AGO4: variants seen among roughly 807,000 people sequenced by gnomAD.
AGO4 encodes protein argonaute-4.
A neutral mutation model predicts 104.7 loss-of-function variants in AGO4; 33 were observed. The ratio of observed to expected loss-of-function variants is 0.32; its 90% CI spans 0.24 to 0.42. AGO4 has a LOEUF of 0.42. AGO4 is among the 10% of genes least tolerant of loss of function. The pLI is 1.00. For missense variants in AGO4, 711 were observed against 1,083.4 expected, an observed-to-expected ratio of 0.66 and a Z score of 4.83; for synonymous variants, 331 against 364.7, an observed-to-expected ratio of 0.91 and a Z score of 1.05.
chr1:35,832,061 A>T lies in AGO4; in HGVS notation c.1121A>T (p.Lys374Met). Residue 374 changes from lysine to methionine, a missense_variant, in exon 10 of 18, where the codon AAG becomes ATG. By Grantham distance (95) the Lys-to-Met change is moderately conservative. Transcript: ENST00000373210. ...DRQEEISRLV[K>M]SNSMVGGPDP... is the part of the protein sequence containing the mutation. Reference sequence around the variant, plus strand: ...GCAGGCTTTCCTGTTCTTTAGGTGAAGAGCAACAGTATGGTGGGTGGACCT... The same window carrying T: ...GCAGGCTTTCCTGTTCTTTAGGTGATGAGCAACAGTATGGTGGGTGGACCT... The T allele has an allele frequency of 6.2e-7, 1 of 1,611,056 alleles. No homozygotes were observed. The highest frequency in any genetic ancestry group is 2.2e-5 in the East Asian group (1 of 44,876).
intron 1 of AGO4, 56 bp from the exon 2 acceptor site, chr1:35,816,820 AAGAAAG>A: frequency 6.9e-7 from 1 of 1,447,366 alleles, no homozygotes; most frequent in South Asian, 1.5e-5. Flanking sequence ...AAAAAAAAAA[AAGAAAG>A]AAAGAAAGAA....
chr1:35,832,138 C>A lies in AGO4; in HGVS notation c.1198C>A (p.Leu400Ile). The A allele has an allele frequency of 1.2e-6, 2 of 1,614,186 alleles. No homozygotes were observed. The highest frequency in any genetic ancestry group is 1.7e-6 in the Non-Finnish European group (2 of 1,180,034). ...GIVVHNEMTELTGRVLPAPML... is the reference protein window; with the variant it reads ...GIVVHNEMTEITGRVLPAPML... ...TGTTGTCCACAATGAAATGACAGAG[C>A]TCACAGGCAGGGTACTTCCAGCACC... is the stretch of plus-strand genomic sequence containing the variant. Residue 400 changes from leucine to isoleucine, a missense_variant, in exon 10 of 18, where the codon CTC becomes ATC. Physicochemically the swap from Leu to Ile is conservative, Grantham distance 5 (BLOSUM62 2). Transcript: ENST00000373210.
intron 6 of AGO4, 119 bp downstream of exon 6, chr1:35,826,179 A>G: frequency 7.7e-7 from 1 of 1,303,570 alleles, no homozygotes; most frequent in Non-Finnish European, 1.0e-6. Context: ...TATCAATGGG[A>G]CCTTGGTCAA....
intron 1 of AGO4, among the ~76,000 whole-genome samples, chr1:35,810,027 C>CT (rs369131487): frequency 0.043 from 6,343 of 147,336 alleles, 454 homozygotes; most frequent in African/African-American, 0.15. Flanking sequence ...CCCAGGGACT[C>CT]TTTTTTTTTT....
rs1306840670 is a variant in AGO4, at chr1:35,850,889, G to A, written c.2313G>A (p.Trp771Ter). Residue 771 changes from tryptophan (W) to a stop codon, truncating the protein, a stop_gained, in exon 17 of 18, where the codon TGG (tryptophan) becomes TGA (stop). Coordinates refer to ENST00000373210, the MANE Select transcript of AGO4 (RefSeq NM_017629.4). LOFTEE classifies it high-confidence loss of function. ...GTCCCTCACATTACCAGGTCTTGTG[G>A]GATGACAACTGCTTCACTGCAGATG... ...TSRPSHYQVL[W>*]DDNCFTADEL... The A allele has an allele frequency of 6.2e-7, 1 of 1,613,660 alleles. No homozygotes were observed. Among genetic ancestry groups the A allele is most frequent in the Non-Finnish European group, 8.5e-7 (1 of 1,179,970 alleles).
chr1:35,822,435 G>A (rs745763766), intron 2 of AGO4, among the ~76,000 whole-genome samples: 3 of 151,190 alleles, frequency 2.0e-5, no homozygotes, highest in African/African-American at 4.9e-5. Flanking sequence ...TGTATTTTTA[G>A]TAGAGACAGG....
rs540887481 is a variant in AGO4, at chr1:35,831,998, T to C, written c.1117-59T>C. On this transcript the variant is annotated intron_variant, in intron 9 of 17. Coordinates refer to ENST00000373210, the MANE Select transcript of AGO4 (RefSeq NM_017629.4). The stretch of plus-strand genomic sequence containing the variant: ...GACAAAAAACAAAAGAATAGAAAAC[T>C]CCTCCTGGGACACAGTTACTCTCTG... The C allele has an allele frequency of 7.0e-5, 112 of 1,604,788 alleles. 1 individual carries two copies. The South Asian group carries it at 1.2e-3, about 18-fold the overall frequency.
At chr1:35,838,554 T>C (rs1045412688) in intron 13 of AGO4, among the ~76,000 whole-genome samples, 32 of 152,198 alleles carry the variant, frequency 2.1e-4, no homozygotes, top group Non-Finnish European at 4.3e-4. Flanking sequence ...TATGTCCTTT[T>C]AAGAAACCCT....
chr1:35,834,244 G>T, intron 12 of AGO4, 70 bp downstream of exon 12: 1 of 1,300,956 alleles, frequency 7.7e-7, no homozygotes, highest in Admixed American at 2.9e-5. Flanking sequence ...GATAAGCTAG[G>T]TTATGCTGCA....
rs560400640 is a variant in AGO4 at position 35,832,363 on chromosome 1, C to G, written c.1246-74C>G. ...TATTCACTAGTCAATAGTAAAATGG[C>G]CTTAGATTGTAATGTCTTTTCTCTT... On this transcript the variant is annotated intron_variant, in intron 10 of 17. Transcript: ENST00000373210. The G allele has an allele frequency of 3.1e-5, 46 of 1,500,636 alleles. No homozygotes were observed. The South Asian group carries it at 6.2e-4, about 20-fold the overall frequency. 93.0% of individuals were successfully genotyped at this position (1,500,636 alleles called of 1,614,324 possible).
Position 35,841,433 on chromosome 1 carries a change from C to T in AGO4, c.1993C>T (p.Arg665Trp), listed in dbSNP as rs765443878. ...CAAATCCACACGCTTCAAACCCACT[C>T]GGATCATCTATTACCGTGGAGGGGT... ...FYKSTRFKPT[R>W]IIYYRGGVSE... is the part of the protein sequence containing the mutation. The change falls in exon 14 of 18, where the codon CGG (arginine) becomes TGG (tryptophan). Residue 665 changes from arginine to tryptophan, a missense_variant. Around this residue, in one of 3 missense-constraint regions of AGO4, gnomAD observed 401 missense variants for 665.5 expected, o/e 0.60. Coordinates refer to ENST00000373210, the MANE Select transcript of AGO4 (RefSeq NM_017629.4). The surrounding 1 kb of genome is among the most constrained non-coding windows in gnomAD (Gnocchi z 4.7). 5.0e-6 allele frequency: 8 copies of T among 1,614,156 alleles called. No homozygotes were observed. The highest frequency in any genetic ancestry group is 1.7e-5 in the Admixed American group (1 of 60,024).
At chr1:35,848,155 C>A (rs1408181909) in intron 15 of AGO4, among the ~76,000 whole-genome samples, 1 of 152,168 alleles carries the variant, frequency 6.6e-6, no homozygotes, top group Non-Finnish European at 1.5e-5. Flanking sequence ...CTTTTTCCAG[C>A]ACATCATATA....
At chr1:35,848,193 A>G (rs1644618329) in intron 15 of AGO4, among the ~76,000 whole-genome samples, 1 of 152,194 alleles carries the variant, frequency 6.6e-6, no homozygotes, top group South Asian at 2.1e-4. Flanking sequence ...TGAGTCTGGC[A>G]TTTGAGATTC....
rs1571297572 is a variant in AGO4 at position 35,839,045 on chromosome 1, A to G, written c.1725-2120A>G. ...ACCCAGGCTGGAGTGCGGTGGCACA[A>G]TCTCGGCTCACTGCAAACTCCGCCT... On this transcript the variant is annotated intron_variant, in intron 13 of 17. Coordinates refer to ENST00000373210, the MANE Select transcript of AGO4 (RefSeq NM_017629.4). Among the ~76,000 whole-genome samples the G allele has an allele frequency of 1.3e-5, 2 of 152,068 alleles. 1 individual carries two copies. Among genetic ancestry groups the G allele is most frequent in the East Asian group, 3.9e-4 (2 of 5,186 alleles).
intron 3 of AGO4, among the ~76,000 whole-genome samples, chr1:35,823,722 C>T (rs971294123): frequency 3.9e-5 from 6 of 151,926 alleles, no homozygotes; most frequent in African/African-American, 9.7e-5. Flanking sequence ...TGAGCCACTG[C>T]GCCTGGCCTT....
chr1:35,845,756 T>C (rs1465888515), intron 15 of AGO4, among the ~76,000 whole-genome samples: 1 of 152,194 alleles, frequency 6.6e-6, no homozygotes, highest in African/African-American at 2.4e-5. Context: ...CTATAGGCAC[T>C]GCATCAGTCA....
chr1:35,824,047 A>C lies in AGO4; in HGVS notation c.306+1065A>C, dbSNP rs540394757. Among the ~76,000 whole-genome samples, 4 of 152,336 alleles carry C rather than the reference A, an allele frequency of 2.6e-5. No individual in the cohort carries two copies. In the South Asian group the frequency reaches 8.3e-4, roughly 32 times the overall value. On this transcript the variant is annotated intron_variant, in intron 3 of 17. Transcript: ENST00000373210. ...TGTACTTTAACAAAGTACTACCTGA[A>C]TCTGAACAACAGAGTTTTATAAATT...
intron 13 of AGO4, among the ~76,000 whole-genome samples, chr1:35,840,500 T>C (rs1246232555): frequency 1.3e-5 from 2 of 151,886 alleles, no homozygotes; most frequent in African/African-American, 4.8e-5. Flanking sequence ...GGTTTCACCG[T>C]GTTGGCCAGG....
Position 35,836,602 on chromosome 1 carries a change from G to A in AGO4, c.1724+609G>A, listed in dbSNP as rs577401257. On this transcript the variant is annotated intron_variant, in intron 13 of 17. Transcript: ENST00000373210. ...TTTTTTGTATTTTTAGTAGAGACGG[G>A]GTTTCACCATATTAGCCAGGATGGT... is the stretch of plus-strand genomic sequence containing the variant. 4.3e-3 allele frequency among the ~76,000 whole-genome samples: 650 copies of A among 152,218 alleles called. 6 individuals carry two copies. Among genetic ancestry groups the A allele is most frequent in the African/African-American group, 0.015 (622 of 41,536 alleles).
Sources: gnomAD v4.1 joint callset for allele counts (sites outside exome capture counted in the v4.1 genomes callset) on GRCh38, gnomAD v4.1.1 for gene constraint, gnomAD v4.1.1 regional missense constraint, Gnocchi (gnomAD v3.1) non-coding constraint, MANE v1.5 for transcripts, NCBI Gene and HGNC (gene_info 2026-07-23, HGNC 2026-07-21) for gene names.